EPHA6: variants seen among roughly 807,000 people sequenced by gnomAD.
EPHA6 encodes the protein EPH receptor A6, also known as ephrin type-A receptor 6.
A neutral mutation model predicts 112.0 loss-of-function variants in EPHA6; 50 were observed. The observed-to-expected ratio is 0.45, with a 90% CI of 0.36 to 0.56. EPHA6 has a LOEUF of 0.56. Among genes scored for constraint, EPHA6 ranks in the 20% least tolerant of loss-of-function variants. The pLI is 0.00. For synonymous variants in EPHA6, 529 were observed against 490.7 expected, an observed-to-expected ratio of 1.08 and a Z score of -1.03; for missense variants, 1,280 against 1,417.4, an observed-to-expected ratio of 0.90 and a Z score of 1.56.
intron 5 of EPHA6, among the ~76,000 whole-genome samples, chr3:97,246,541 G>T (rs1021930458): frequency 6.6e-6 from 1 of 151,644 alleles, no homozygotes; most frequent in African/African-American, 2.4e-5. Context: ...ATATATTCTG[G>T]AAGGATAATA....
chr3:97,529,184 A>T (rs2092666672), intron 10 of EPHA6, among the ~76,000 whole-genome samples: 1 of 152,112 alleles, frequency 6.6e-6, no homozygotes, highest in South Asian at 2.1e-4. Context: ...TAATGGTTAC[A>T]AGCATGGACT....
At chr3:97,383,237 C>T (rs1288696465) in intron 5 of EPHA6, among the ~76,000 whole-genome samples, 2 of 151,984 alleles carry the variant, frequency 1.3e-5, no homozygotes, top group African/African-American at 4.8e-5. Flanking sequence ...GGGACATTGA[C>T]ATAGCCTATC....
chr3:97,192,130 T>C (rs1035964064), intron 3 of EPHA6, among the ~76,000 whole-genome samples: 2 of 152,092 alleles, frequency 1.3e-5, no homozygotes, highest in Non-Finnish European at 2.9e-5. Flanking sequence ...CTATGGGTTT[T>C]TTTGTTTTTT....
At chr3:97,298,183 AC>A (rs1673932240) in intron 5 of EPHA6, among the ~76,000 whole-genome samples, 1 of 152,350 alleles carries the variant, frequency 6.6e-6, no homozygotes, top group East Asian at 1.9e-4. Flanking sequence ...TTAATGTTGT[AC>A]CAAAACATGA....
intron 1 of EPHA6, among the ~76,000 whole-genome samples, chr3:96,826,711 CA>C (rs1283274193): frequency 7.2e-6 from 1 of 138,448 alleles, no homozygotes; most frequent in Non-Finnish European, 1.7e-5. Context: ...ACGTTATTTC[CA>C]AATATTTTTC....
At chr3:97,728,647 A>AT (rs1217324124) in intron 15 of EPHA6, among the ~76,000 whole-genome samples, 5 of 152,100 alleles carry the variant, frequency 3.3e-5, no homozygotes, top group African/African-American at 1.2e-4. Context: ...AGAATCATAG[A>AT]TTTTTTGAGG....
At chr3:97,088,363 T>A (rs1288848322) in intron 3 of EPHA6, among the ~76,000 whole-genome samples, 1 of 152,106 alleles carries the variant, frequency 6.6e-6, no homozygotes, top group Admixed American at 6.6e-5. Context: ...TCTTATCAAC[T>A]TTTTGGCAAA....
intron 11 of EPHA6, among the ~76,000 whole-genome samples, chr3:97,560,993 A>C (rs187611960): frequency 6.6e-6 from 1 of 151,984 alleles, no homozygotes. Flanking sequence ...TGTTACTATT[A>C]TAACAGTTTT....
intron 7 of EPHA6, among the ~76,000 whole-genome samples, chr3:97,457,013 C>T (rs2090713295): frequency 6.6e-6 from 1 of 151,978 alleles, no homozygotes; most frequent in African/African-American, 2.4e-5. Flanking sequence ...TTTCAAAAGT[C>T]GTATTTTAGT....
chr3:96,965,047 G>A (rs962159773), intron 2 of EPHA6, among the ~76,000 whole-genome samples: 7 of 152,140 alleles, frequency 4.6e-5, no homozygotes, highest in African/African-American at 1.7e-4. Context: ...AATCGGAAGT[G>A]AGTTTCAGAA....
intron 14 of EPHA6, among the ~76,000 whole-genome samples, chr3:97,700,538 C>T (rs1477062364): frequency 6.6e-6 from 1 of 152,154 alleles, no homozygotes; most frequent in Non-Finnish European, 1.5e-5. Context: ...CTAATGTAAG[C>T]TGACCCATTA....
chr3:96,886,667 A>T (rs2037643028), intron 2 of EPHA6, among the ~76,000 whole-genome samples: 4 of 152,176 alleles, frequency 2.6e-5, no homozygotes, highest in Admixed American at 2.6e-4. Flanking sequence ...CATTTAGGCC[A>T]TTTACATTCC....
intron 3 of EPHA6, among the ~76,000 whole-genome samples, chr3:97,119,525 G>A (rs937922171): frequency 9.9e-5 from 15 of 151,850 alleles, no homozygotes; most frequent in South Asian, 4.1e-4. Flanking sequence ...AATCAAAGCC[G>A]CAGAAACTTC....
intron 14 of EPHA6, among the ~76,000 whole-genome samples, chr3:97,666,567 T>C (rs2030133888): frequency 6.6e-6 from 1 of 152,342 alleles, no homozygotes; most frequent in South Asian, 2.1e-4. Flanking sequence ...TGCTTTTATA[T>C]GGCATTCTCC....
intron 7 of EPHA6, among the ~76,000 whole-genome samples, chr3:97,459,826 A>G (rs1354895736): frequency 2.0e-5 from 3 of 152,134 alleles, no homozygotes; most frequent in African/African-American, 4.8e-5. Flanking sequence ...GGAATCATCA[A>G]TTTAAATTCT....
intron 3 of EPHA6, among the ~76,000 whole-genome samples, chr3:97,114,430 A>G (rs565823355): frequency 1.3e-5 from 2 of 148,530 alleles, no homozygotes; most frequent in South Asian, 4.1e-4. Context: ...CCTGATTAAT[A>G]TCTCTTCCCA....
At chr3:97,568,616 A>C (rs903043249) in intron 11 of EPHA6, among the ~76,000 whole-genome samples, 3 of 152,182 alleles carry the variant, frequency 2.0e-5, no homozygotes, top group Non-Finnish European at 2.9e-5. Flanking sequence ...GTGGTAAACT[A>C]TTGCCCTTTT....
intron 1 of EPHA6, among the ~76,000 whole-genome samples, chr3:96,857,478 G>A (rs889620073): frequency 6.6e-6 from 1 of 151,216 alleles, no homozygotes; most frequent in Admixed American, 6.9e-5. Context: ...TGCCAAAAAA[G>A]ATTAATTGCC....
chr3:97,746,825 C>A (rs576730069), intron 16 of EPHA6, among the ~76,000 whole-genome samples: 6 of 151,948 alleles, frequency 3.9e-5, no homozygotes, highest in Admixed American at 3.3e-4. Context: ...GTGTGTAAAT[C>A]TTATTCATGC....
Sources: allele counts gnomAD v4.1 joint callset (sites outside exome capture counted in the v4.1 genomes callset), GRCh38; gene constraint gnomAD v4.1.1; transcripts MANE v1.5; gene names NCBI Gene and HGNC (gene_info 2026-07-23, HGNC 2026-07-21).